Variants in AVEN observed in about 807,000 individuals in gnomAD.
The protein encoded by AVEN is apoptosis and caspase activation inhibitor, also known as cell death regulator Aven.
In AVEN, 41 loss-of-function variants were observed where a neutral mutation model predicts 38.1. The ratio of observed to expected loss-of-function variants is 1.08; its 90% CI spans 0.84 to 1.40. AVEN has a LOEUF of 1.40. AVEN is among the 40% of genes most tolerant of loss of function. AVEN has a pLI of 0.00. For synonymous variants in AVEN, 206 were observed against 171.8 expected, an observed-to-expected ratio of 1.20 and a Z score of -1.56; for missense variants, 605 against 438.8, an observed-to-expected ratio of 1.38 and a Z score of -3.38.
chr15:33,992,114 C>T (rs1490517497), intron 2 of AVEN: 1 of 152,198 alleles, frequency 6.6e-6, no homozygotes, highest in Non-Finnish European at 1.5e-5. Context: ...AGGCCGGGCG[C>T]GATGGTTCAC....
downstream of AVEN, chr15:33,854,970 ACAG>A: frequency 1.3e-6 from 2 of 1,502,550 alleles, no homozygotes; most frequent in Non-Finnish European, 1.8e-6. Context: ...GAAAAAAAGA[ACAG>A]CAGGTAGTAT....
At chr15:34,031,466 T>C (rs1212890753) in intron 1 of AVEN, among the ~76,000 whole-genome samples, 1 of 152,166 alleles carries the variant, frequency 6.6e-6, no homozygotes, top group African/African-American at 2.4e-5. Context: ...TGAGCCACCA[T>C]GCCCAGACTG....
chr15:33,921,743 C>A (rs1005403123), intron 2 of AVEN, among the ~76,000 whole-genome samples: 2 of 78,116 alleles, frequency 2.6e-5, no homozygotes, highest in Non-Finnish European at 6.7e-5. Flanking sequence ...AGACAAGAAT[C>A]ATACTCAAAA....
At chr15:33,886,831 G>C (rs994247212) in intron 2 of AVEN, among the ~76,000 whole-genome samples, 2 of 152,198 alleles carry the variant, frequency 1.3e-5, no homozygotes, top group African/African-American at 4.8e-5. Flanking sequence ...AGCAGTCAAA[G>C]GCTGGTATGG....
At chr15:33,967,695 T>G (rs1895444938) in intron 2 of AVEN, among the ~76,000 whole-genome samples, 1 of 151,942 alleles carries the variant, frequency 6.6e-6, no homozygotes, top group Non-Finnish European at 1.5e-5. Flanking sequence ...AATTTAAATT[T>G]TAAACTGAAG....
chr15:33,921,723 T>C (rs1394796511), intron 2 of AVEN, among the ~76,000 whole-genome samples: 1 of 133,534 alleles, frequency 7.5e-6, no homozygotes, highest in Non-Finnish European at 1.6e-5. Context: ...CTTCCTTTCC[T>C]ATTCTGAAGA....
chr15:33,907,459 T>G (rs1892748440), intron 2 of AVEN, among the ~76,000 whole-genome samples: 1 of 152,210 alleles, frequency 6.6e-6, no homozygotes, highest in African/African-American at 2.4e-5. Context: ...TAAGGGACAT[T>G]GCCAGCCTTC....
At chr15:33,938,151 G>T (rs1263802951) in intron 2 of AVEN, among the ~76,000 whole-genome samples, 34 of 151,998 alleles carry the variant, frequency 2.2e-4, no homozygotes, top group Admixed American at 2.2e-3. Context: ...GGACAAATAT[G>T]ATTACTATAA....
chr15:33,864,304 A>G, downstream of AVEN: 1 of 779,722 alleles, frequency 1.3e-6, no homozygotes, highest in Non-Finnish European at 2.0e-6. Context: ...CCGTGAATGC[A>G]TTTTCCCATC....
chr15:33,938,900 G>C (rs1412514881), intron 2 of AVEN, among the ~76,000 whole-genome samples: 3 of 151,956 alleles, frequency 2.0e-5, no homozygotes, highest in African/African-American at 7.3e-5. Flanking sequence ...GGAATGCAAT[G>C]GCGCCATCTC....
downstream of AVEN, chr15:33,866,123 G>GGAATGTACCACTTCTGGTTGAT (rs1175353337): frequency 1.2e-5 from 2 of 164,882 alleles, no homozygotes; most frequent in African/African-American, 4.8e-5. Context: ...CTGGACTCTT[G>GGAATGTACCACTTCTGGTTGAT]GAATGTACCA....
intron 2 of AVEN, chr15:34,066,919 A>G (rs1212987489): frequency 2.0e-5 from 3 of 152,200 alleles, no homozygotes; most frequent in Admixed American, 2.0e-4. Flanking sequence ...ATAGACAAAA[A>G]ATATCCCAAA....
intron 1 of AVEN, among the ~76,000 whole-genome samples, chr15:34,019,940 T>G (rs1005462060): frequency 6.6e-6 from 1 of 152,274 alleles, no homozygotes. Context: ...GCAGTTCTTT[T>G]GTATGCAATT....
chr15:33,951,270 T>C (rs1409826384), intron 2 of AVEN, among the ~76,000 whole-genome samples: 1 of 152,192 alleles, frequency 6.6e-6, no homozygotes, highest in African/African-American at 2.4e-5. Flanking sequence ...CTTCAAAACA[T>C]TCCTCACAGT....
At chr15:33,857,740 G>C (rs1567342895), downstream of AVEN, 3 of 1,611,678 alleles carry the variant, frequency 1.9e-6, no homozygotes, top group African/African-American at 4.0e-5. Flanking sequence ...AGGTAGAGAA[G>C]ACCCCACTCC....
At chr15:33,866,789 C>G (rs1429865314) in intron 5 of AVEN, 61 bp from the exon 6 acceptor site, 1 of 1,221,152 alleles carries the variant, frequency 8.2e-7, no homozygotes, top group Non-Finnish European at 1.2e-6. Flanking sequence ...AGGTATAATT[C>G]AGCCCAATTT....
chr15:33,978,118 A>G lies in AVEN; in HGVS notation c.445+24914T>C, dbSNP rs186188802. Among the ~76,000 whole-genome samples the G allele has an allele frequency of 2.0e-3, 311 of 152,286 alleles. 3 individuals are homozygous for G. Among genetic ancestry groups the G allele is most frequent in the African/African-American group, 7.0e-3 (291 of 41,568 alleles). On this transcript the variant is annotated intron_variant, in intron 2 of 5. Coordinates refer to ENST00000306730, the MANE Select transcript of AVEN (RefSeq NM_020371.3). Reference sequence around the variant, plus strand: ...GTCTATATAAAACTATTTTAAAAACATAGAAATTCAACCAGAAAACCTTAG... The same window carrying G: ...GTCTATATAAAACTATTTTAAAAACGTAGAAATTCAACCAGAAAACCTTAG...
intron 5 of AVEN, among the ~76,000 whole-genome samples, chr15:34,059,591 A>T (rs1001162612): frequency 6.6e-6 from 1 of 151,972 alleles, no homozygotes; most frequent in African/African-American, 2.4e-5. Flanking sequence ...TTCACTTCTC[A>T]GCTTTCTTTG....
intron 2 of AVEN, among the ~76,000 whole-genome samples, chr15:33,992,957 T>C (rs1896791511): frequency 6.6e-6 from 1 of 152,254 alleles, no homozygotes; most frequent in Non-Finnish European, 1.5e-5. Flanking sequence ...AACTGCAGTC[T>C]GGTTATTTCG....
Sources: gnomAD v4.1 joint callset for allele counts (sites outside exome capture counted in the v4.1 genomes callset) on GRCh38, gnomAD v4.1.1 for gene constraint, MANE v1.5 for transcripts, NCBI Gene and HGNC (gene_info 2026-07-23, HGNC 2026-07-21) for gene names.